The following CTIF variants were observed in gnomAD, a reference collection of about 807,000 sequenced individuals.
The protein encoded by CTIF is CBP80/20-dependent translation initiation factor.
In CTIF, 21 loss-of-function variants were observed where a neutral mutation model predicts 66.0. That is an observed-to-expected ratio of 0.32 (90% CI 0.23 to 0.46). The LOEUF is 0.46. CTIF is among the 20% of genes least tolerant of loss of function. CTIF has a pLI of 1.00. For missense variants in CTIF, 739 were observed against 812.7 expected (o/e 0.91, Z 1.10); for synonymous variants, 345 against 326.4 (o/e 1.06, Z -0.62).
chr18:48,610,374 A>AGCCCACCTGGATGCCCACCTGGAT lies in CTIF; in HGVS notation c.-28-9123_-28-9100dup, dbSNP rs370162038. Among the ~76,000 whole-genome samples, 60 of 141,372 alleles carry AGCCCACCTGGATGCCCACCTGGAT rather than the reference A, an allele frequency of 4.2e-4. No homozygotes were observed. In the East Asian group the frequency reaches 5.0e-3, roughly 12 times the overall value. The allele number at this position is 141,372 out of a possible 152,430, so 92.7% of individuals were successfully genotyped here. On this transcript the variant is annotated intron_variant, in intron 1 of 11. Coordinates refer to ENST00000256413, the MANE Select transcript of CTIF (RefSeq NM_014772.3). ...ATAAAGCAGGACCTGCACGTCACAG[A>AGCCCACCTGGATGCCCACCTGGAT]GCCCACCTGGATGCCCACCTGGATG...
chr18:48,838,029 C>T (rs2068852767), intron 10 of CTIF, among the ~76,000 whole-genome samples: 1 of 151,962 alleles, frequency 6.6e-6, no homozygotes, highest in Admixed American at 6.6e-5. Flanking sequence ...AGTCCGTCTT[C>T]CCTGGGGTTT....
chr18:48,751,471 C>A (rs1907805600), intron 7 of CTIF, among the ~76,000 whole-genome samples: 1 of 152,230 alleles, frequency 6.6e-6, no homozygotes, highest in Non-Finnish European at 1.5e-5. Flanking sequence ...AAGGCAGCAG[C>A]CCTGTGCGCT....
At chr18:48,653,674 C>A (rs1441076112) in intron 3 of CTIF, among the ~76,000 whole-genome samples, 1 of 152,178 alleles carries the variant, frequency 6.6e-6, no homozygotes, top group Non-Finnish European at 1.5e-5. Flanking sequence ...CCAAGACAAT[C>A]CTAAGCAAAA....
chr18:48,652,930 C>G (rs537133695), intron 3 of CTIF, among the ~76,000 whole-genome samples: 2 of 152,102 alleles, frequency 1.3e-5, no homozygotes, highest in Non-Finnish European at 2.9e-5. Context: ...ATTCAACAGC[C>G]CTTCATGCTA....
At chr18:48,836,470 A>G (rs1218373116) in intron 10 of CTIF, among the ~76,000 whole-genome samples, 2 of 152,130 alleles carry the variant, frequency 1.3e-5, no homozygotes, top group Admixed American at 6.5e-5. Flanking sequence ...CGTATGGGGC[A>G]GGCCCTCCAG....
At position 48,631,622 on chromosome 18, in the gene CTIF, T is replaced by G. The variant is rs549424682; in HGVS notation, c.181-4992T>G. 2.6e-5 allele frequency among the ~76,000 whole-genome samples: 4 copies of G among 152,350 alleles called. No homozygotes were observed. The South Asian group carries it at 8.3e-4, about 32-fold the overall frequency. Reference sequence around the variant, plus strand: ...TTGAGTGGAGAACAAACACCTGTACTCTCATGTTTATTAAGTCTTAACCCT... The same window carrying G: ...TTGAGTGGAGAACAAACACCTGTACGCTCATGTTTATTAAGTCTTAACCCT... On this transcript the variant is annotated intron_variant, in intron 2 of 11. Transcript: ENST00000256413.
At chr18:48,619,030 G>C (rs1356994491) in intron 1 of CTIF, among the ~76,000 whole-genome samples, 1 of 152,198 alleles carries the variant, frequency 6.6e-6, no homozygotes, top group East Asian at 1.9e-4. Flanking sequence ...TTAGGGGACA[G>C]TCTGGTGACT....
At chr18:48,644,115 G>A (rs970524665) in intron 3 of CTIF, among the ~76,000 whole-genome samples, 11 of 152,142 alleles carry the variant, frequency 7.2e-5, no homozygotes, top group African/African-American at 1.9e-4. Flanking sequence ...AGCCGAGCAC[G>A]GCAAGTCTTT....
intron 1 of CTIF, among the ~76,000 whole-genome samples, chr18:48,584,626 C>T (rs2089728133): frequency 6.6e-6 from 1 of 152,120 alleles, no homozygotes. Flanking sequence ...GGTGACTTGC[C>T]CAGGCCATCC....
Position 48,761,514 on chromosome 18 carries a change from AG to A in CTIF, c.1198del (p.Ala400ProfsTer117). 6.2e-7 allele frequency: 1 copy of A among 1,614,182 alleles called. No individual in the cohort carries two copies. Among genetic ancestry groups the A allele is most frequent in the Non-Finnish European group, 8.5e-7 (1 of 1,180,036 alleles). On this transcript the variant is annotated frameshift_variant, in exon 9 of 12. Transcript: ENST00000256413. LOFTEE classifies it high-confidence loss of function. This position sits in a 1 kb window ranked among gnomAD's most constrained non-coding sequence, Gnocchi z 4.2. ...ACCAAGCTCACCACCTTCATGGAGG[AG>A]GCCCAGAACTCCACCAACTCCGAGG... ...VDTKLTTFME[E>X]AQNSTNSEEM...
intron 10 of CTIF, 40 bp from the exon 11 acceptor site, chr18:48,857,548 T>A: frequency 6.3e-7 from 1 of 1,579,030 alleles, no homozygotes; most frequent in Non-Finnish European, 8.6e-7. Flanking sequence ...GTAGCCGGCA[T>A]GTCTCCTTCA....
chr18:48,854,073 T>G (rs2069269435), intron 10 of CTIF, among the ~76,000 whole-genome samples: 1 of 152,186 alleles, frequency 6.6e-6, no homozygotes, highest in South Asian at 2.1e-4. Flanking sequence ...CAACAGTTCA[T>G]GAATCCCCAC....
At position 48,859,507 on chromosome 18, in the gene CTIF, C is replaced by A; in HGVS notation, c.1745C>A (p.Thr582Lys). The part of the protein sequence containing the change: ...ELHANSWNPL[T>K]PPITQYYNRT... ...CACGCTAACAGCTGGAACCCTCTGA[C>A]GCCCCCCATCACGCAGTACTACAAC... Residue 582 changes from threonine (T) to lysine (K), a missense_variant, in exon 12 of 12, where the codon ACG (threonine) becomes AAG (lysine). Physicochemically the swap from Thr to Lys is moderately conservative, Grantham distance 78. Coordinates refer to ENST00000256413, the MANE Select transcript of CTIF (RefSeq NM_014772.3). The A allele has an allele frequency of 6.2e-7, 1 of 1,614,202 alleles. No individual in the cohort carries two copies. The highest frequency in any genetic ancestry group is 8.5e-7 in the Non-Finnish European group (1 of 1,180,036).
chr18:48,618,992 A>G (rs933969591), intron 1 of CTIF, among the ~76,000 whole-genome samples: 1 of 152,208 alleles, frequency 6.6e-6, no homozygotes, highest in African/African-American at 2.4e-5. Flanking sequence ...TCCTGCTTAT[A>G]AGTTACGGCC....
intron 6 of CTIF, among the ~76,000 whole-genome samples, chr18:48,696,630 A>G (rs531073051): frequency 6.6e-6 from 1 of 152,240 alleles, no homozygotes; most frequent in Non-Finnish European, 1.5e-5. Flanking sequence ...CATGTAATCC[A>G]GAACTGGCCA....
chr18:48,677,185 G>C (rs535781895), intron 6 of CTIF, among the ~76,000 whole-genome samples: 1 of 152,140 alleles, frequency 6.6e-6, no homozygotes, highest in Admixed American at 6.5e-5. Flanking sequence ...AAAGTGCCCC[G>C]AGACACCCAG....
chr18:48,576,351 A>C (rs61286453), intron 1 of CTIF, among the ~76,000 whole-genome samples: 11,587 of 152,262 alleles, frequency 0.076, 571 homozygotes, highest in African/African-American at 0.13. Flanking sequence ...GAGATAGAAG[A>C]ATTTGCGGTA....
chr18:48,621,572 T>C, intron 2 of CTIF: 1 of 389,978 alleles, frequency 2.6e-6, no homozygotes, highest in Non-Finnish European at 5.0e-6. Context: ...ACCAGGCTGC[T>C]CCTGGAGCCC....
intron 6 of CTIF, among the ~76,000 whole-genome samples, chr18:48,694,744 A>G (rs188231034): frequency 4.6e-5 from 7 of 152,386 alleles, no homozygotes; most frequent in Non-Finnish European, 1.0e-4. Context: ...AAATTTCACT[A>G]TAGTCAGAGA....
Sources: allele counts gnomAD v4.1 joint callset (sites outside exome capture counted in the v4.1 genomes callset), GRCh38; gene constraint gnomAD v4.1.1; non-coding constraint Gnocchi (gnomAD v3.1); transcripts MANE v1.5; gene names NCBI Gene and HGNC (gene_info 2026-07-23, HGNC 2026-07-21).